Variants in RGL1 observed in about 807,000 individuals in gnomAD.
The protein encoded by RGL1 is ral guanine nucleotide dissociation stimulator-like 1.
Under a neutral mutation model 95.2 loss-of-function variants are expected in RGL1, and 24 were observed. The ratio of observed to expected loss-of-function variants is 0.25; its 90% CI spans 0.18 to 0.35. The LOEUF (loss-of-function observed/expected upper bound fraction) is 0.35. RGL1 is among the 10% of genes least tolerant of loss of function. The pLI is 1.00. For missense variants in RGL1, 715 were observed against 936.3 expected, an observed-to-expected ratio of 0.76 and a Z score of 3.08; for synonymous variants, 329 against 344.9, an observed-to-expected ratio of 0.95 and a Z score of 0.51.
chr1:183,739,012 A>G (rs1336064003), intron 1 of RGL1, among the ~76,000 whole-genome samples: 1 of 152,260 alleles, frequency 6.6e-6, no homozygotes, highest in Non-Finnish European at 1.5e-5. Context: ...GCTCAGTGCA[A>G]AATGAAAATA....
intron 2 of RGL1, among the ~76,000 whole-genome samples, chr1:183,769,761 G>A (rs920745547): frequency 3.3e-5 from 5 of 152,164 alleles, no homozygotes; most frequent in East Asian, 1.9e-4. Flanking sequence ...GGGTAAGGTC[G>A]TTTCCATGGC....
At chr1:183,647,907 A>T in intron 1 of RGL1, 1 of 1,614,200 alleles carries the variant, frequency 6.2e-7, no homozygotes, top group Non-Finnish European at 8.5e-7. Context: ...TAGCACAAAA[A>T]CAACAGGAGC....
chr1:183,714,615 TA>T (rs1224427902), intron 1 of RGL1, among the ~76,000 whole-genome samples: 1 of 152,194 alleles, frequency 6.6e-6, no homozygotes, highest in Non-Finnish European at 1.5e-5. Context: ...GAGCACAGAC[TA>T]AGGACGTATA....
chr1:183,752,434 C>A (rs972817517), intron 2 of RGL1, among the ~76,000 whole-genome samples: 2 of 152,052 alleles, frequency 1.3e-5, no homozygotes, highest in African/African-American at 4.8e-5. Flanking sequence ...ACCATGTTGG[C>A]CAGGATGGTC....
chr1:183,885,096 A>G (rs754419696), intron 7 of RGL1, among the ~76,000 whole-genome samples, 158 bp downstream of exon 7: 1 of 152,202 alleles, frequency 6.6e-6, no homozygotes, highest in Non-Finnish European at 1.5e-5. Context: ...GTAAGAAAAA[A>G]GTTGCCTTTC....
intron 1 of RGL1, among the ~76,000 whole-genome samples, chr1:183,678,140 C>A (rs1377782673): frequency 6.6e-6 from 1 of 151,944 alleles, no homozygotes; most frequent in Non-Finnish European, 1.5e-5. Flanking sequence ...AGTTTTTTTT[C>A]TTGTAAAACA....
intron 15 of RGL1, among the ~76,000 whole-genome samples, chr1:183,915,558 A>T (rs1459491541): frequency 6.6e-6 from 1 of 152,232 alleles, no homozygotes; most frequent in Non-Finnish European, 1.5e-5. Flanking sequence ...AAATGTGGAA[A>T]GTGGTGAAGC....
chr1:183,641,898 A>T, intron 1 of RGL1, among the ~76,000 whole-genome samples: 1 of 152,228 alleles, frequency 6.6e-6, no homozygotes, highest in Admixed American at 6.5e-5. Flanking sequence ...TTAGAAAATC[A>T]TGCATCTCAT....
intron 15 of RGL1, among the ~76,000 whole-genome samples, chr1:183,914,339 A>C (rs999606532): frequency 6.6e-6 from 1 of 152,218 alleles, no homozygotes; most frequent in Non-Finnish European, 1.5e-5. Flanking sequence ...AAATTCTTGC[A>C]GAAGTCATGG....
chr1:183,838,098 A>T (rs1663791773), intron 2 of RGL1, among the ~76,000 whole-genome samples: 1 of 152,220 alleles, frequency 6.6e-6, no homozygotes, highest in Non-Finnish European at 1.5e-5. Flanking sequence ...GAAAAGTATC[A>T]GATGAAAGTG....
intron 2 of RGL1, among the ~76,000 whole-genome samples, chr1:183,840,482 T>G (rs1357362888): frequency 6.6e-6 from 1 of 152,098 alleles, no homozygotes; most frequent in African/African-American, 2.4e-5. Flanking sequence ...TTCCATACTT[T>G]GGGATAGCGT....
chr1:183,789,209 C>CGAGGCGGGTGGATCACCTGAGATCAG (rs1425550418), intron 2 of RGL1, among the ~76,000 whole-genome samples: 2 of 151,832 alleles, frequency 1.3e-5, no homozygotes, highest in African/African-American at 4.8e-5. Context: ...TTTGGGAGGC[C>CGAGGCGGGTGGATCACCTGAGATCAG]GAGGCGGGTG....
intron 1 of RGL1, among the ~76,000 whole-genome samples, chr1:183,663,861 C>T (rs1322696070): frequency 6.6e-6 from 1 of 151,168 alleles, no homozygotes; most frequent in Non-Finnish European, 1.5e-5. Flanking sequence ...GGCACATATA[C>T]ACCATGGAAT....
chr1:183,829,602 A>G (rs926424055), intron 2 of RGL1, among the ~76,000 whole-genome samples: 3 of 152,256 alleles, frequency 2.0e-5, no homozygotes, highest in East Asian at 1.9e-4. Context: ...TTACACTTAC[A>G]TTTGATCCTG....
chr1:183,745,512 T>A (rs546171776), intron 2 of RGL1, among the ~76,000 whole-genome samples: 1 of 152,278 alleles, frequency 6.6e-6, no homozygotes, highest in Non-Finnish European at 1.5e-5. Context: ...AATAGGGATA[T>A]GTGTTTTTTC....
chr1:183,656,744 A>G (rs1651194715), intron 1 of RGL1, among the ~76,000 whole-genome samples: 1 of 152,240 alleles, frequency 6.6e-6, no homozygotes, highest in Admixed American at 6.5e-5. Flanking sequence ...TTAACACATC[A>G]TACACTAATA....
chr1:183,860,021 C>T (rs573232144), intron 3 of RGL1, among the ~76,000 whole-genome samples: 14 of 152,332 alleles, frequency 9.2e-5, no homozygotes, highest in African/African-American at 2.6e-4. Context: ...TCACCCATGT[C>T]GTTCTCCTGA....
At position 183,823,490 on chromosome 1, in the gene RGL1, A is replaced by G. The variant is rs562192237; in HGVS notation, c.138+17005A>G. The stretch of plus-strand genomic sequence containing the variant: ...ATAATTATCTACTTTATTTGTTAAA[A>G]TGATTTATTCAACATGGCTAAACAT... On this transcript the variant is annotated intron_variant, in intron 2 of 17. Coordinates refer to ENST00000360851, the MANE Select transcript of RGL1 (RefSeq NM_001297671.3). 2.0e-5 allele frequency among the ~76,000 whole-genome samples: 3 copies of G among 152,320 alleles called. No homozygotes were observed. In the South Asian group the frequency reaches 6.2e-4, roughly 32 times the overall value.
chr1:183,907,872 A>T (rs953433741), intron 14 of RGL1, among the ~76,000 whole-genome samples: 1 of 151,972 alleles, frequency 6.6e-6, no homozygotes, highest in African/African-American at 2.4e-5. Flanking sequence ...TGGTGCACGC[A>T]TGTAGTCCCA....
Sources: gnomAD v4.1 joint callset for allele counts (sites outside exome capture counted in the v4.1 genomes callset) on GRCh38, gnomAD v4.1.1 for gene constraint, MANE v1.5 for transcripts, NCBI Gene and HGNC (gene_info 2026-07-23, HGNC 2026-07-21) for gene names.